Variants in DTNA observed in about 807,000 individuals in gnomAD.
DTNA encodes dystrobrevin alpha.
Under a neutral mutation model 100.7 loss-of-function variants are expected in DTNA, and 43 were observed. The ratio of observed to expected loss-of-function variants is 0.43; its 90% CI spans 0.33 to 0.55. The LOEUF (loss-of-function observed/expected upper bound fraction) is 0.55, where lower values mean the gene tolerates loss of function less well. DTNA is among the 20% of genes least tolerant of loss of function. DTNA has a pLI of 0.04. For missense variants in DTNA, 798 were observed against 953.9 expected (o/e 0.84, Z 2.15); for synonymous variants, 349 against 347.9 (o/e 1.00, Z -0.04).
chr18:34,596,697 G>A (rs1189840105), intron 1 of DTNA, among the ~76,000 whole-genome samples: 2 of 152,026 alleles, frequency 1.3e-5, no homozygotes, highest in Non-Finnish European at 2.9e-5. Context: ...ACATATCAAA[G>A]TTTGCTGATA....
At chr18:34,582,646 A>G (rs1025884333) in intron 1 of DTNA, among the ~76,000 whole-genome samples, 6 of 152,184 alleles carry the variant, frequency 3.9e-5, no homozygotes, top group African/African-American at 1.4e-4. Context: ...GATGCCAAGA[A>G]TAACCTGTGT....
chr18:34,748,222 C>T (rs1011330187), intron 1 of DTNA, among the ~76,000 whole-genome samples: 2 of 78,706 alleles, frequency 2.5e-5, no homozygotes, highest in Non-Finnish European at 5.5e-5. Flanking sequence ...TTGTCAGATG[C>T]ATAGTTTGAG....
chr18:34,877,321 G>A (rs563201656), intron 18 of DTNA, among the ~76,000 whole-genome samples: 3 of 152,298 alleles, frequency 2.0e-5, no homozygotes, highest in Admixed American at 6.5e-5. Context: ...CTAGGAAGGC[G>A]CAGCTCTCCT....
At chr18:34,879,418 G>A in intron 19 of DTNA, 133 bp from the exon 20 acceptor site, 1 of 859,658 alleles carries the variant, frequency 1.2e-6, no homozygotes, top group Non-Finnish European at 1.8e-6. Context: ...CAATAAAAAT[G>A]TATTTGATTA....
intron 3 of DTNA, among the ~76,000 whole-genome samples, chr18:34,772,332 A>G (rs1451459546): frequency 6.6e-6 from 1 of 152,234 alleles, no homozygotes. Context: ...ATGTTAAGTT[A>G]GAACACCTGC....
At chr18:34,545,217 T>A (rs1323120408) in intron 1 of DTNA, among the ~76,000 whole-genome samples, 1 of 151,990 alleles carries the variant, frequency 6.6e-6, no homozygotes, top group Non-Finnish European at 1.5e-5. Context: ...GAGGTGATGG[T>A]AGTGACGTGA....
chr18:34,555,798 A>T (rs987352146), intron 1 of DTNA, among the ~76,000 whole-genome samples: 2 of 152,170 alleles, frequency 1.3e-5, no homozygotes, highest in African/African-American at 4.8e-5. Flanking sequence ...ACTTCCAAGT[A>T]TGTGGTCAAT....
At chr18:34,633,938 GA>G (rs1203691347) in intron 1 of DTNA, among the ~76,000 whole-genome samples, 1 of 152,176 alleles carries the variant, frequency 6.6e-6, no homozygotes, top group African/African-American at 2.4e-5. Flanking sequence ...GATAACATGG[GA>G]AATCTACAGT....
At chr18:34,715,799 C>T (rs1032599551) in intron 1 of DTNA, among the ~76,000 whole-genome samples, 2 of 151,948 alleles carry the variant, frequency 1.3e-5, no homozygotes, top group African/African-American at 4.8e-5. Context: ...ACATTTGCAA[C>T]ATATATGAAA....
chr18:34,830,458 A>G (rs964003095), intron 11 of DTNA, among the ~76,000 whole-genome samples: 6 of 152,204 alleles, frequency 3.9e-5, no homozygotes, highest in African/African-American at 1.2e-4. Flanking sequence ...TCTTCAAAAG[A>G]CACAGGGATA....
chr18:34,783,942 C>G (rs1331123360), intron 3 of DTNA, among the ~76,000 whole-genome samples: 2 of 152,222 alleles, frequency 1.3e-5, no homozygotes, highest in Non-Finnish European at 2.9e-5. Flanking sequence ...GGAAATTCCT[C>G]TGAATCAAAG....
At chr18:34,748,339 T>G (rs1002989417) in intron 1 of DTNA, among the ~76,000 whole-genome samples, 5 of 152,212 alleles carry the variant, frequency 3.3e-5, no homozygotes, top group African/African-American at 1.2e-4. Context: ...ATTTTTGTTC[T>G]TGTCACATTT....
intron 17 of DTNA, among the ~76,000 whole-genome samples, chr18:34,874,378 T>C (rs1295895029): frequency 6.6e-6 from 1 of 152,230 alleles, no homozygotes; most frequent in Non-Finnish European, 1.5e-5. Context: ...TGTCAACTAA[T>C]TATTAAAACA....
intron 1 of DTNA, among the ~76,000 whole-genome samples, chr18:34,639,481 G>A (rs544426163): frequency 2.0e-5 from 3 of 152,270 alleles, no homozygotes; most frequent in African/African-American, 7.2e-5. Context: ...AGAATTGCAG[G>A]TAATATTGAT....
intron 2 of DTNA, 97 bp downstream of exon 2, chr18:34,756,140 T>A: frequency 1.4e-6 from 2 of 1,382,578 alleles, no homozygotes; most frequent in Non-Finnish European, 2.0e-6. Context: ...TTTGTACTTT[T>A]CCTTAGGATC....
chr18:34,802,281 T>G (rs1308876529), intron 4 of DTNA, among the ~76,000 whole-genome samples: 1 of 152,210 alleles, frequency 6.6e-6, no homozygotes, highest in Admixed American at 6.5e-5. Context: ...TCGGTGCAGT[T>G]TTACTACCTT....
intron 5 of DTNA, among the ~76,000 whole-genome samples, chr18:34,810,120 A>G (rs562195479): frequency 1.3e-5 from 2 of 152,324 alleles, no homozygotes; most frequent in African/African-American, 2.4e-5. Context: ...CAATGCTGTA[A>G]GCCTGGTATG....
chr18:34,727,828 A>G (rs1055397684), intron 1 of DTNA, among the ~76,000 whole-genome samples: 1 of 152,184 alleles, frequency 6.6e-6, no homozygotes, highest in African/African-American at 2.4e-5. Context: ...GCCTCCCAAT[A>G]TGCTGGGATT....
At position 34,816,000 on chromosome 18, in the gene DTNA, C is replaced by T. The variant is rs771510372; in HGVS notation, c.695C>T (p.Ala232Val). ...LVWLPLLHRL[A>V]NVENVFHPVE... ...TGGTTGCCTCTTCTGCATCGACTAG[C>T]AAATGTGGAAAATGGTGAGTAGTTA... Residue 232 changes from alanine (A) to valine (V), a missense_variant, in exon 7 of 23, where the codon GCA (alanine) becomes GTA (valine). By Grantham distance (64) the Ala-to-Val change is moderately conservative. Transcript: ENST00000444659. The T allele has an allele frequency of 1.9e-6, 3 of 1,613,482 alleles. No individual in the cohort carries two copies. The highest frequency in any genetic ancestry group is 2.7e-5 in the African/African-American group (2 of 74,858).
Sources: gnomAD v4.1 joint callset for allele counts (sites outside exome capture counted in the v4.1 genomes callset) on GRCh38, gnomAD v4.1.1 for gene constraint, MANE v1.5 for transcripts, NCBI Gene and HGNC (gene_info 2026-07-23, HGNC 2026-07-21) for gene names.